The following GRM7 variants were observed in gnomAD, a reference collection of about 807,000 sequenced individuals.
GRM7 encodes the protein glutamate metabotropic receptor 7.
In GRM7, 35 loss-of-function variants were observed where a neutral mutation model predicts 84.5. The ratio of observed to expected loss-of-function variants is 0.41; its 90% CI spans 0.32 to 0.55. The LOEUF is 0.55. GRM7 is among the 20% of genes least tolerant of loss of function. GRM7 has a pLI of 0.19. For synonymous variants in GRM7, 487 were observed against 455.1 expected (o/e 1.07, Z -0.89); for missense variants, 1,003 against 1,194.6 (o/e 0.84, Z 2.36).
chr3:7,174,289 G>A (rs1695074645), intron 2 of GRM7, among the ~76,000 whole-genome samples: 1 of 152,118 alleles, frequency 6.6e-6, no homozygotes, highest in African/African-American at 2.4e-5. Context: ...AGATAAAACT[G>A]GAGAGCCTAG....
intron 7 of GRM7, among the ~76,000 whole-genome samples, chr3:7,520,602 T>A (rs1296429134): frequency 7.2e-5 from 11 of 152,188 alleles, no homozygotes; most frequent in Admixed American, 7.2e-4. Flanking sequence ...CAAGTTCACA[T>A]TCTACTATTT....
At chr3:7,246,710 A>T (rs1365460213) in intron 2 of GRM7, among the ~76,000 whole-genome samples, 1 of 152,138 alleles carries the variant, frequency 6.6e-6, no homozygotes, top group Non-Finnish European at 1.5e-5. Context: ...TCTAGTAGGC[A>T]TTGCTATGCC....
At chr3:7,391,815 C>T (rs979211259) in intron 4 of GRM7, among the ~76,000 whole-genome samples, 11 of 151,364 alleles carry the variant, frequency 7.3e-5, no homozygotes, top group African/African-American at 1.9e-4. Flanking sequence ...TAATGAAGAA[C>T]GATGAAAAAT....
chr3:7,011,779 C>T (rs1425882304), intron 1 of GRM7, among the ~76,000 whole-genome samples: 1 of 151,936 alleles, frequency 6.6e-6, no homozygotes, highest in African/African-American at 2.4e-5. Flanking sequence ...CTCTTTTTTT[C>T]AGTCTTGAAG....
intron 1 of GRM7, among the ~76,000 whole-genome samples, chr3:6,966,820 C>A (rs895469589): frequency 6.6e-6 from 1 of 152,134 alleles, no homozygotes; most frequent in African/African-American, 2.4e-5. Context: ...GTGGTAAGAG[C>A]AGGAGTTTTG....
chr3:7,605,880 C>A (rs1696539062), intron 8 of GRM7, among the ~76,000 whole-genome samples: 1 of 152,170 alleles, frequency 6.6e-6, no homozygotes, highest in Non-Finnish European at 1.5e-5. Flanking sequence ...TATTGTAGTG[C>A]AAATGCAGCC....
chr3:6,930,709 G>A (rs1020905997), intron 1 of GRM7, among the ~76,000 whole-genome samples: 6 of 152,146 alleles, frequency 3.9e-5, no homozygotes, highest in Admixed American at 1.3e-4. Flanking sequence ...AAGGAGTATC[G>A]TCAGCCAGAC....
At chr3:6,973,650 G>T (rs1417763068) in intron 1 of GRM7, among the ~76,000 whole-genome samples, 1 of 152,182 alleles carries the variant, frequency 6.6e-6, no homozygotes, top group African/African-American at 2.4e-5. Context: ...AAGTAAAAGT[G>T]ATTCAAGAGA....
intron 4 of GRM7, among the ~76,000 whole-genome samples, chr3:7,372,500 C>G (rs1694180042): frequency 2.0e-5 from 3 of 152,130 alleles, no homozygotes; most frequent in Middle Eastern, 3.2e-3. Flanking sequence ...ACTCTTGGGT[C>G]TACAGATGTA....
intron 1 of GRM7, among the ~76,000 whole-genome samples, chr3:6,919,090 G>C (rs1411466655): frequency 6.6e-6 from 1 of 152,100 alleles, no homozygotes; most frequent in Non-Finnish European, 1.5e-5. Flanking sequence ...CTTACTTTTT[G>C]AATCAATGGA....
chr3:7,113,658 T>A (rs1692935045), intron 1 of GRM7, among the ~76,000 whole-genome samples: 1 of 152,148 alleles, frequency 6.6e-6, no homozygotes, highest in Non-Finnish European at 1.5e-5. Flanking sequence ...GTTTTTTATT[T>A]TTGTATTTTG....
At chr3:6,954,927 T>G (rs17046448) in intron 1 of GRM7, among the ~76,000 whole-genome samples, 2,987 of 152,300 alleles carry the variant, frequency 0.02, 113 homozygotes, top group African/African-American at 0.069. Context: ...TTTTGTTGCT[T>G]TTAACTGCTG....
At chr3:7,230,840 C>A (rs1013054324) in intron 2 of GRM7, among the ~76,000 whole-genome samples, 1 of 152,156 alleles carries the variant, frequency 6.6e-6, no homozygotes, top group African/African-American at 2.4e-5. Context: ...ACGAGTAATT[C>A]TGGGAAGCAG....
At chr3:7,029,034 T>C (rs1271721985) in intron 1 of GRM7, among the ~76,000 whole-genome samples, 1 of 152,190 alleles carries the variant, frequency 6.6e-6, no homozygotes, top group Non-Finnish European at 1.5e-5. Flanking sequence ...TTGGGCACGG[T>C]GGCTCATGCC....
In GRM7 at chr3:7,560,049, C is replaced by A. The variant is rs990502797; in HGVS notation, c.1516-18373C>A. Among the ~76,000 whole-genome samples, 7 of 152,020 alleles carry A rather than the reference C, an allele frequency of 4.6e-5. No homozygotes were observed. The East Asian group carries it at 9.6e-4, about 21-fold the overall frequency. On this transcript the variant is annotated intron_variant, in intron 7 of 9. Coordinates refer to ENST00000357716, the MANE Select transcript of GRM7 (RefSeq NM_000844.4). ...TCATATTGGGGGTTAGGGATTTAAC[C>A]TTATGACTTTGCGGTAGGAGGACAC...
chr3:7,115,444 T>C (rs1253432387), intron 1 of GRM7, among the ~76,000 whole-genome samples: 1 of 152,166 alleles, frequency 6.6e-6, no homozygotes, highest in African/African-American at 2.4e-5. Context: ...CCTGTGTTGC[T>C]GTGAGTGCCA....
intron 2 of GRM7, among the ~76,000 whole-genome samples, chr3:7,235,039 CTAAT>C (rs1697305830): frequency 6.6e-6 from 1 of 152,104 alleles, no homozygotes; most frequent in Non-Finnish European, 1.5e-5. Flanking sequence ...CTTTTGATAC[CTAAT>C]TATTATCTAA....
rs551419136 is a variant in GRM7 at position 6,902,363 on chromosome 3, G to C, written c.519+40456G>C. Among the ~76,000 whole-genome samples the C allele has an allele frequency of 2.0e-5, 3 of 152,306 alleles. No homozygotes were observed. In the South Asian group the frequency reaches 6.2e-4, roughly 32 times the overall value. On this transcript the variant is annotated intron_variant, in intron 1 of 9. Coordinates refer to ENST00000357716, the MANE Select transcript of GRM7 (RefSeq NM_000844.4). ...ATGAAAAATTTTAGGCAACCACAATGTCTGGGTTAAACCTTTTTATCATTT... is the reference window on the plus strand; with the variant it reads ...ATGAAAAATTTTAGGCAACCACAATCTCTGGGTTAAACCTTTTTATCATTT...
intron 4 of GRM7, among the ~76,000 whole-genome samples, chr3:7,335,895 T>C (rs1430992693): frequency 9.2e-5 from 14 of 151,926 alleles, no homozygotes; most frequent in Middle Eastern, 3.4e-3. Flanking sequence ...CAAGCAGTGA[T>C]ACCGAAATGG....
Sources: allele counts gnomAD v4.1 joint callset (sites outside exome capture counted in the v4.1 genomes callset), GRCh38; gene constraint gnomAD v4.1.1; transcripts MANE v1.5; gene names NCBI Gene and HGNC (gene_info 2026-07-23, HGNC 2026-07-21).